BTBD9: variants seen among roughly 807,000 people sequenced by gnomAD.
The protein encoded by BTBD9 is BTB domain containing 9.
In BTBD9, 49 loss-of-function variants were observed where a neutral mutation model predicts 64.3. The observed-to-expected ratio is 0.76, with a 90% CI of 0.61 to 0.97. BTBD9 has a LOEUF of 0.97. Ranked by LOEUF, BTBD9 falls within the 50% of genes least tolerant of loss-of-function variation. The pLI, the probability that BTBD9 is intolerant of heterozygous loss-of-function variation, is 0.00. For synonymous variants in BTBD9, 260 were observed against 274.7 expected, an observed-to-expected ratio of 0.95 and a Z score of 0.53; for missense variants, 598 against 762.1, an observed-to-expected ratio of 0.78 and a Z score of 2.53.
chr6:38,487,432 T>TG (rs1174836089), intron 6 of BTBD9, among the ~76,000 whole-genome samples: 9 of 151,918 alleles, frequency 5.9e-5, no homozygotes, highest in Non-Finnish European at 1.2e-4. Context: ...AATACAAAAA[T>TG]TAGCTGGGCA....
intron 7 of BTBD9, among the ~76,000 whole-genome samples, chr6:38,310,675 C>T (rs563213156): frequency 7.9e-5 from 12 of 151,742 alleles, no homozygotes; most frequent in South Asian, 6.3e-4. Flanking sequence ...TTAATTTTTG[C>T]GGGTACATAG....
intron 9 of BTBD9, among the ~76,000 whole-genome samples, chr6:38,240,868 G>A (rs998207139): frequency 2.6e-5 from 4 of 152,078 alleles, no homozygotes; most frequent in African/African-American, 4.8e-5. Context: ...CCAGATCCAC[G>A]CTCAAACGGG....
chr6:38,303,142 T>C (rs1166356580), intron 7 of BTBD9, among the ~76,000 whole-genome samples: 1 of 152,186 alleles, frequency 6.6e-6, no homozygotes, highest in Non-Finnish European at 1.5e-5. Context: ...CTTTTTAGTT[T>C]GGTGTAATCC....
At chr6:38,407,293 T>A (rs568074108) in intron 6 of BTBD9, among the ~76,000 whole-genome samples, 20 of 152,332 alleles carry the variant, frequency 1.3e-4, no homozygotes, top group African/African-American at 4.8e-4. Context: ...TAACTTTTGT[T>A]CCCAGTCCAA....
intron 6 of BTBD9, among the ~76,000 whole-genome samples, chr6:38,374,310 T>TATATATACAC (rs1562095677): frequency 1.9e-5 from 2 of 102,876 alleles, no homozygotes; most frequent in Non-Finnish European, 3.9e-5. Context: ...TATATATGTA[T>TATATATACAC]ATATATATAT....
chr6:38,206,138 A>G (rs1433311337), intron 9 of BTBD9, among the ~76,000 whole-genome samples: 4 of 152,012 alleles, frequency 2.6e-5, no homozygotes, highest in Non-Finnish European at 5.9e-5. Flanking sequence ...TGTTGCTCTG[A>G]CAACACAAAT....
intron 6 of BTBD9, among the ~76,000 whole-genome samples, chr6:38,376,458 T>C (rs963053405): frequency 2.6e-5 from 4 of 152,208 alleles, no homozygotes; most frequent in African/African-American, 9.6e-5. Flanking sequence ...ACAATCTATG[T>C]GATCTCAATA....
At chr6:38,532,276 C>T (rs1386576859) in intron 6 of BTBD9, among the ~76,000 whole-genome samples, 3 of 152,172 alleles carry the variant, frequency 2.0e-5, no homozygotes, top group Non-Finnish European at 4.4e-5. Flanking sequence ...TTGCCAATCC[C>T]GGCAGTCAGA....
rs372844723 is a variant in BTBD9, at chr6:38,567,048, T to C, written c.1154+10552A>G. On this transcript the variant is annotated intron_variant, in intron 6 of 10. Transcript: ENST00000481247. Reference sequence around the variant, plus strand: ...TTACAATGGGCAATGCAAAACAGGATTTAAAAGAAGGAAAAACGTCTTTTG... The same window carrying C: ...TTACAATGGGCAATGCAAAACAGGACTTAAAAGAAGGAAAAACGTCTTTTG... 3.3e-5 allele frequency among the ~76,000 whole-genome samples: 5 copies of C among 152,348 alleles called. No individual in the cohort carries two copies. The South Asian group carries it at 1.0e-3, about 32-fold the overall frequency.
chr6:38,190,870 G>A (rs1762045896), intron 10 of BTBD9, among the ~76,000 whole-genome samples: 1 of 152,188 alleles, frequency 6.6e-6, no homozygotes, highest in Non-Finnish European at 1.5e-5. Flanking sequence ...GGGCAGACTT[G>A]CCTTGCTGCT....
chr6:38,535,667 A>G (rs939252576), intron 6 of BTBD9, among the ~76,000 whole-genome samples: 4 of 152,100 alleles, frequency 2.6e-5, no homozygotes, highest in Admixed American at 2.6e-4. Flanking sequence ...AGATACATAG[A>G]CCAACGGAAC....
At chr6:38,613,588 G>A (rs1364941615) in intron 1 of BTBD9, among the ~76,000 whole-genome samples, 1 of 151,992 alleles carries the variant, frequency 6.6e-6, no homozygotes, top group African/African-American at 2.4e-5. Context: ...TGGGCGACAG[G>A]TTGAGTCTCT....
intron 6 of BTBD9, among the ~76,000 whole-genome samples, chr6:38,558,526 T>C (rs1286945830): frequency 6.6e-6 from 1 of 152,192 alleles, no homozygotes; most frequent in Non-Finnish European, 1.5e-5. Context: ...ATGCTGGCTA[T>C]GAGTCTGTCA....
chr6:38,517,039 A>G (rs1441828163), intron 6 of BTBD9, among the ~76,000 whole-genome samples: 3 of 152,206 alleles, frequency 2.0e-5, no homozygotes, highest in Non-Finnish European at 4.4e-5. Context: ...CAAAGAGCCC[A>G]TCAATCCTGA....
intron 10 of BTBD9, among the ~76,000 whole-genome samples, chr6:38,186,048 G>A (rs908874526): frequency 1.3e-5 from 2 of 152,180 alleles, no homozygotes; most frequent in Non-Finnish European, 2.9e-5. Context: ...ACAGATAGGA[G>A]TGGAAGTGAA....
In BTBD9 at chr6:38,490,167, T is replaced by C. The variant is rs1294934445; in HGVS notation, c.1154+87433A>G. Among the ~76,000 whole-genome samples the C allele has an allele frequency of 2.0e-5, 3 of 152,306 alleles. No individual in the cohort carries two copies. The South Asian group carries it at 6.2e-4, about 32-fold the overall frequency. ...AATGTGGAGTAGAAACGCTACCAGA[T>C]GGACTATGAGTCAGGAGGCCCAGAT... On this transcript the variant is annotated intron_variant, in intron 6 of 10. Transcript: ENST00000481247.
chr6:38,386,489 G>A (rs1011315381), intron 6 of BTBD9, among the ~76,000 whole-genome samples: 22 of 152,158 alleles, frequency 1.4e-4, no homozygotes, highest in Admixed American at 1.3e-3. Flanking sequence ...GCAATATAGC[G>A]CTCACAGGCT....
intron 6 of BTBD9, among the ~76,000 whole-genome samples, chr6:38,363,903 C>T (rs1011000208): frequency 6.6e-6 from 1 of 152,196 alleles, no homozygotes; most frequent in African/African-American, 2.4e-5. Flanking sequence ...CAGATTGCTA[C>T]AGCCTATTAG....
chr6:38,404,715 G>A (rs959180918), intron 6 of BTBD9, among the ~76,000 whole-genome samples: 8 of 152,134 alleles, frequency 5.3e-5, no homozygotes, highest in African/African-American at 1.9e-4. Context: ...TGCAGATAAG[G>A]GATAAACTGA....
Sources: allele counts gnomAD v4.1 joint callset (sites outside exome capture counted in the v4.1 genomes callset), GRCh38; gene constraint gnomAD v4.1.1; transcripts MANE v1.5; gene names NCBI Gene and HGNC (gene_info 2026-07-23, HGNC 2026-07-21).